Variants in NBAS observed in about 807,000 individuals in gnomAD.
The protein encoded by NBAS is NAG/BC035112 fusion.
In NBAS, 219 loss-of-function variants were observed where a neutral mutation model predicts 302.5. The observed-to-expected ratio is 0.72, with a 90% CI of 0.65 to 0.81. The LOEUF (loss-of-function observed/expected upper bound fraction) is 0.81. Ranked by LOEUF, NBAS falls within the 30% of genes least tolerant of loss-of-function variation. The probability of loss-of-function intolerance (pLI) is 0.00; values close to 1 mark genes in which losing one functional copy is unlikely to be tolerated. For missense variants in NBAS, 2,932 were observed against 2,841.6 expected, an observed-to-expected ratio of 1.03 and a Z score of -0.72; for synonymous variants, 1,118 against 1,021.6, an observed-to-expected ratio of 1.09 and a Z score of -1.80.
chr2:14,934,944 T>C, the NBAS span, among the ~76,000 whole-genome samples: 5 of 152,198 alleles, frequency 3.3e-5, no homozygotes, highest in African/African-American at 7.2e-5. Context: ...TGTATTTTTC[T>C]CTCAGAGCCA....
At chr2:15,257,727 A>G (rs1267142687) in intron 44 of NBAS, among the ~76,000 whole-genome samples, 2 of 152,184 alleles carry the variant, frequency 1.3e-5, no homozygotes, top group African/African-American at 4.8e-5. Flanking sequence ...GCGTCTGCTG[A>G]TAAATCATTA....
rs116444020 is a variant in NBAS at position 15,361,034 on chromosome 2, T to C, written c.3818-4618A>G. On this transcript the variant is annotated intron_variant, in intron 32 of 51. Transcript: ENST00000281513. Reference sequence around the variant, plus strand: ...TGTGGCAAACTTACACAACTGGCTGTATAGGAGGTTTACATCTCCATCACC... The same window carrying C: ...TGTGGCAAACTTACACAACTGGCTGCATAGGAGGTTTACATCTCCATCACC... Among the ~76,000 whole-genome samples, 454 of 152,334 alleles carry C rather than the reference T, an allele frequency of 3.0e-3. 6 individuals are homozygous for C. Among genetic ancestry groups the C allele is most frequent in the African/African-American group, 0.01 (425 of 41,576 alleles).
rs976660032 is a variant in NBAS, at chr2:15,416,736, A to G, written c.2763+791T>C. 2.7e-5 allele frequency among the ~76,000 whole-genome samples: 4 copies of G among 148,818 alleles called. No individual in the cohort carries two copies. The East Asian group carries it at 8.5e-4, about 32-fold the overall frequency. On this transcript the variant is annotated intron_variant, in intron 24 of 51. Coordinates refer to ENST00000281513, the MANE Select transcript of NBAS (RefSeq NM_015909.4). ...CAGGAGAATCGCTTGAACCCAGGAG[A>G]TGGAGGTTACAGTGAGCCAAGATCA...
the NBAS span, among the ~76,000 whole-genome samples, chr2:15,047,646 G>A: frequency 6.6e-6 from 1 of 152,044 alleles, no homozygotes; most frequent in African/African-American, 2.4e-5. Flanking sequence ...GTAAAGGCTG[G>A]GCCTGTGCAG....
chr2:15,111,363 G>A, the NBAS span, among the ~76,000 whole-genome samples: 16 of 152,250 alleles, frequency 1.1e-4, no homozygotes, highest in African/African-American at 3.9e-4. Context: ...CCCACATTGG[G>A]AGTGGGTGAG....
the NBAS span, among the ~76,000 whole-genome samples, chr2:15,099,080 G>T: frequency 6.6e-6 from 1 of 151,974 alleles, no homozygotes; most frequent in Non-Finnish European, 1.5e-5. Flanking sequence ...GCTGCGGCAG[G>T]CCTCCCGAAG....
the NBAS span, among the ~76,000 whole-genome samples, chr2:14,784,420 AG>A: frequency 6.6e-6 from 1 of 152,176 alleles, no homozygotes; most frequent in African/African-American, 2.4e-5. Flanking sequence ...GGTAATGCCT[AG>A]GTTTTCTTCT....
chr2:15,365,809 T>C (rs896534530), intron 32 of NBAS, among the ~76,000 whole-genome samples: 1 of 152,092 alleles, frequency 6.6e-6, no homozygotes, highest in Admixed American at 6.6e-5. Context: ...GAATACAATT[T>C]CCAACCACTG....
chr2:15,020,137 C>G, the NBAS span, among the ~76,000 whole-genome samples: 1 of 152,144 alleles, frequency 6.6e-6, no homozygotes, highest in Admixed American at 6.5e-5. Flanking sequence ...CTGTATCATG[C>G]TTTTGGAGAT....
At chr2:15,440,507 G>C (rs1387013470) in intron 21 of NBAS, among the ~76,000 whole-genome samples, 1 of 152,274 alleles carries the variant, frequency 6.6e-6, no homozygotes, top group African/African-American at 2.4e-5. Context: ...AAACCCATCT[G>C]TACATCACCA....
the NBAS span, among the ~76,000 whole-genome samples, chr2:15,125,001 AG>A: frequency 2.6e-5 from 4 of 152,250 alleles, no homozygotes; most frequent in East Asian, 7.7e-4. Flanking sequence ...GGCTATGGGA[AG>A]GGGGCTGCCA....
chr2:15,033,065 C>A, the NBAS span, among the ~76,000 whole-genome samples: 2 of 152,294 alleles, frequency 1.3e-5, no homozygotes, highest in African/African-American at 4.8e-5. Flanking sequence ...CCCTGCCTGG[C>A]AGAGCTCTGG....
chr2:15,123,636 C>A, the NBAS span, among the ~76,000 whole-genome samples: 1 of 151,984 alleles, frequency 6.6e-6, no homozygotes, highest in African/African-American at 2.4e-5. Context: ...TTTAAAAGAG[C>A]ACCTCCCTCC....
the NBAS span, among the ~76,000 whole-genome samples, chr2:14,780,743 C>G: frequency 6.6e-6 from 1 of 152,162 alleles, no homozygotes; most frequent in Admixed American, 6.5e-5. Flanking sequence ...TTTTTTGGGG[C>G]AGTACATAAT....
intron 42 of NBAS, among the ~76,000 whole-genome samples, chr2:15,283,319 A>G (rs1198625445): frequency 6.6e-6 from 1 of 152,168 alleles, no homozygotes; most frequent in African/African-American, 2.4e-5. Flanking sequence ...GTTTGATTGC[A>G]TGCCCACCCA....
At position 15,549,499 on chromosome 2, in the gene NBAS, C is replaced by G. The variant is rs80318664; in HGVS notation, c.379+1994G>C. ...ATGTCAGCACTTTGGGAGGCCAAGGCGGGAGGATCACTTGAGCCCATGAGT... is the reference window on the plus strand; with the variant it reads ...ATGTCAGCACTTTGGGAGGCCAAGGGGGGAGGATCACTTGAGCCCATGAGT... On this transcript the variant is annotated intron_variant, in intron 6 of 51. Transcript: ENST00000281513. Among the ~76,000 whole-genome samples the G allele has an allele frequency of 6.8e-3, 1,037 of 152,008 alleles. 54 individuals are homozygous for G. In the East Asian group the frequency reaches 0.12, roughly 18 times the overall value.
At chr2:14,822,867 A>C in the NBAS span, among the ~76,000 whole-genome samples, 10 of 152,338 alleles carry the variant, frequency 6.6e-5, no homozygotes, top group African/African-American at 2.2e-4. Flanking sequence ...TCTGTGCACC[A>C]GACAATATGC....
chr2:14,946,556 A>G, the NBAS span, among the ~76,000 whole-genome samples: 21,394 of 152,128 alleles, frequency 0.14, 1,910 homozygotes, highest in African/African-American at 0.26. Flanking sequence ...TACTAATAAA[A>G]TCTAAAGGGA....
At chr2:15,080,850 G>C in the NBAS span, among the ~76,000 whole-genome samples, 36 of 152,234 alleles carry the variant, frequency 2.4e-4, no homozygotes, top group African/African-American at 8.2e-4. Flanking sequence ...CAAATATCCG[G>C]GAAGTACAAG....
Sources: gnomAD v4.1 joint callset for allele counts (sites outside exome capture counted in the v4.1 genomes callset) on GRCh38, gnomAD v4.1.1 for gene constraint, MANE v1.5 for transcripts, NCBI Gene and HGNC (gene_info 2026-07-23, HGNC 2026-07-21) for gene names.